The following PLXDC2 variants were observed in gnomAD, a reference collection of about 807,000 sequenced individuals.
The protein encoded by PLXDC2 is plexin domain containing 2.
Under a neutral mutation model 68.9 loss-of-function variants are expected in PLXDC2, and 40 were observed. That is an observed-to-expected ratio of 0.58 (90% CI 0.45 to 0.76). PLXDC2 has a LOEUF of 0.76. Ranked by LOEUF, PLXDC2 falls within the 30% of genes least tolerant of loss-of-function variation. The probability of loss-of-function intolerance (pLI) is 0.00; values close to 1 mark genes in which losing one functional copy is unlikely to be tolerated. For missense variants in PLXDC2, 644 were observed against 661.9 expected (o/e 0.97, Z 0.30); for synonymous variants, 243 against 234.2 (o/e 1.04, Z -0.34).
chr10:19,954,109 A>G (rs1391667373), intron 1 of PLXDC2, among the ~76,000 whole-genome samples: 1 of 152,206 alleles, frequency 6.6e-6, no homozygotes, highest in East Asian at 1.9e-4. Context: ...AGAGATTATG[A>G]GAATAATAAT....
At chr10:20,030,202 A>ACAAG (rs1835476470) in intron 2 of PLXDC2, among the ~76,000 whole-genome samples, 1 of 151,588 alleles carries the variant, frequency 6.6e-6, no homozygotes, top group Non-Finnish European at 1.5e-5. Flanking sequence ...AACAAAACAA[A>ACAAG]CAAACAAACA....
chr10:20,250,276 A>C (rs1427787669), intron 13 of PLXDC2, among the ~76,000 whole-genome samples: 3 of 151,182 alleles, frequency 2.0e-5, no homozygotes, highest in Non-Finnish European at 3.0e-5. Context: ...TGTTTCAAAA[A>C]AAAAAAAAAA....
At chr10:19,926,379 T>A (rs1833537265) in intron 1 of PLXDC2, among the ~76,000 whole-genome samples, 1 of 152,144 alleles carries the variant, frequency 6.6e-6, no homozygotes, top group African/African-American at 2.4e-5. Context: ...AGGTGTTTAT[T>A]GTTTGCAGTA....
chr10:19,877,158 A>G (rs753161078), intron 1 of PLXDC2, among the ~76,000 whole-genome samples: 11 of 151,956 alleles, frequency 7.2e-5, no homozygotes, highest in African/African-American at 1.9e-4. Flanking sequence ...AGATCAGTAA[A>G]ATAAGGGAGG....
At chr10:20,080,909 CT>C (rs1301194594) in intron 4 of PLXDC2, among the ~76,000 whole-genome samples, 3 of 152,220 alleles carry the variant, frequency 2.0e-5, no homozygotes, top group Non-Finnish European at 2.9e-5. Flanking sequence ...TAAAAGGTAA[CT>C]TCCACAAAGC....
chr10:19,923,107 G>T (rs1285085301), intron 1 of PLXDC2, among the ~76,000 whole-genome samples: 2 of 152,042 alleles, frequency 1.3e-5, no homozygotes, highest in Admixed American at 6.6e-5. Context: ...GCTGTTCAGG[G>T]CTTTATTTCT....
chr10:19,903,081 T>A (rs1237528702), intron 1 of PLXDC2, among the ~76,000 whole-genome samples: 1 of 152,184 alleles, frequency 6.6e-6, no homozygotes, highest in Non-Finnish European at 1.5e-5. Flanking sequence ...TTAGCTAATA[T>A]TTTGTTGAGG....
At chr10:20,273,475 A>T (rs1038226958) in intron 13 of PLXDC2, among the ~76,000 whole-genome samples, 1 of 152,182 alleles carries the variant, frequency 6.6e-6, no homozygotes, top group Non-Finnish European at 1.5e-5. Flanking sequence ...CATATTTCAG[A>T]GTTCACAGAA....
chr10:20,085,780 C>T (rs1833184083), intron 4 of PLXDC2, among the ~76,000 whole-genome samples: 1 of 152,058 alleles, frequency 6.6e-6, no homozygotes, highest in Non-Finnish European at 1.5e-5. Context: ...AATGTGCACT[C>T]CTACAGAAAC....
Position 20,102,783 on chromosome 10 carries a change from A to G in PLXDC2, c.541+34544A>G, listed in dbSNP as rs543655552. 3.2e-4 allele frequency among the ~76,000 whole-genome samples: 48 copies of G among 152,306 alleles called. 1 individual carries two copies. In the South Asian group the frequency reaches 8.7e-3, roughly 28 times the overall value. ...AGATAAGCAGTTAAGATCTTTGAGTATAATGTCTAGAGGAAAAATGGCGGC... is the reference window on the plus strand; with the variant it reads ...AGATAAGCAGTTAAGATCTTTGAGTGTAATGTCTAGAGGAAAAATGGCGGC... On this transcript the variant is annotated intron_variant, in intron 4 of 13. Coordinates refer to ENST00000377252, the MANE Select transcript of PLXDC2 (RefSeq NM_032812.9).
At chr10:20,162,909 C>A (rs370954441) in intron 6 of PLXDC2, among the ~76,000 whole-genome samples, 1,146 of 97,712 alleles carry the variant, frequency 0.012, no homozygotes, top group South Asian at 0.014. Flanking sequence ...ACTAAAAATA[C>A]AAAAAAAAAA....
intron 12 of PLXDC2, among the ~76,000 whole-genome samples, chr10:20,222,862 T>C (rs1045515925): frequency 3.3e-5 from 5 of 152,164 alleles, no homozygotes; most frequent in African/African-American, 1.2e-4. Context: ...GAAGATCTTA[T>C]GTAAAGACAT....
rs1836088291 is a variant in PLXDC2, at chr10:20,282,035, AT to A, written c.*2218del. ...CAGCGTTCTATTTTGATTCAAAACA[AT>A]TGATTCAAAACAATTTTGAATCAAT... On this transcript the variant is annotated 3_prime_UTR_variant, in exon 14 of 14. Coordinates refer to ENST00000377252, the MANE Select transcript of PLXDC2 (RefSeq NM_032812.9). 1 of 152,126 alleles carries A rather than the reference AT, an allele frequency of 6.6e-6. No homozygotes were observed. The highest frequency in any genetic ancestry group is 1.5e-5 in the Non-Finnish European group (1 of 68,010). The allele number at this position is 152,126 out of a possible 1,614,324, so 9.4% of individuals were successfully genotyped here.
intron 13 of PLXDC2, among the ~76,000 whole-genome samples, chr10:20,269,449 T>C (rs922502550): frequency 2.6e-5 from 4 of 152,036 alleles, no homozygotes; most frequent in Admixed American, 6.6e-5. Context: ...ATTAAAGACA[T>C]GGTATTTGTG....
At chr10:19,979,056 T>G (rs377275004) in intron 1 of PLXDC2, among the ~76,000 whole-genome samples, 1 of 152,208 alleles carries the variant, frequency 6.6e-6, no homozygotes, top group African/African-American at 2.4e-5. Flanking sequence ...ATCTCCAGGT[T>G]GAAGATTCTC....
chr10:20,205,637 A>C (rs776607605), intron 9 of PLXDC2, among the ~76,000 whole-genome samples: 1 of 152,040 alleles, frequency 6.6e-6, no homozygotes, highest in African/African-American at 2.4e-5. Flanking sequence ...AACCTCATTT[A>C]CTCATTTTTC....
At chr10:20,241,239 C>T (rs1835511750) in intron 12 of PLXDC2, among the ~76,000 whole-genome samples, 1 of 152,106 alleles carries the variant, frequency 6.6e-6, no homozygotes, top group Admixed American at 6.5e-5. Context: ...CGAGGTTTAC[C>T]ACACTCAAGG....
At chr10:20,036,549 G>T (rs1835582473) in intron 2 of PLXDC2, among the ~76,000 whole-genome samples, 1 of 152,024 alleles carries the variant, frequency 6.6e-6, no homozygotes, top group Non-Finnish European at 1.5e-5. Flanking sequence ...GTTAAATCTA[G>T]AACAGAAATT....
intron 1 of PLXDC2, among the ~76,000 whole-genome samples, chr10:19,897,475 C>T (rs935491110): frequency 6.6e-6 from 1 of 152,008 alleles, no homozygotes; most frequent in East Asian, 1.9e-4. Context: ...GAACTCCCAA[C>T]CTCAGGTGAT....
Sources: gnomAD v4.1 joint callset for allele counts (sites outside exome capture counted in the v4.1 genomes callset) on GRCh38, gnomAD v4.1.1 for gene constraint, MANE v1.5 for transcripts, NCBI Gene and HGNC (gene_info 2026-07-23, HGNC 2026-07-21) for gene names.